The following SLC43A2 variants were observed in gnomAD, a reference collection of about 807,000 sequenced individuals.
The protein encoded by SLC43A2 is solute carrier family 43 member 2.
A neutral mutation model predicts 63.2 loss-of-function variants in SLC43A2; 38 were observed. That is an observed-to-expected ratio of 0.60 (90% CI 0.46 to 0.79). The LOEUF (loss-of-function observed/expected upper bound fraction) is 0.79. SLC43A2 is among the 30% of genes least tolerant of loss of function. The probability of loss-of-function intolerance (pLI) is 0.00; values close to 1 mark genes in which losing one functional copy is unlikely to be tolerated. For synonymous variants in SLC43A2, 322 were observed against 331.0 expected (o/e 0.97, Z 0.30); for missense variants, 644 against 756.2 (o/e 0.85, Z 1.74).
intron 11 of SLC43A2, among the ~76,000 whole-genome samples, chr17:1,579,418 A>G (rs62087978): frequency 0.4 from 60,490 of 150,392 alleles, 12,496 homozygotes; most frequent in Middle Eastern, 0.56. Context: ...CCGAGATAGC[A>G]CCACTGCACT....
chr17:1,590,432 C>A (rs1020976971), intron 9 of SLC43A2, among the ~76,000 whole-genome samples: 2 of 152,164 alleles, frequency 1.3e-5, no homozygotes, highest in African/African-American at 4.8e-5. Context: ...GTGCCACTTT[C>A]TGGGAGGACT....
intron 13 of SLC43A2, 148 bp downstream of exon 13, chr17:1,576,449 C>T (rs1000320136): frequency 3.9e-5 from 33 of 835,896 alleles, no homozygotes; most frequent in Non-Finnish European, 5.5e-5. Context: ...TCCTGCCTAG[C>T]CACCATTCAC....
intron 11 of SLC43A2, among the ~76,000 whole-genome samples, chr17:1,580,922 G>T (rs918014025): frequency 6.6e-6 from 1 of 152,132 alleles, no homozygotes; most frequent in African/African-American, 2.4e-5. Context: ...TTTTAGTAGA[G>T]ACAGGGTGTC....
At position 1,575,884 on chromosome 17, in the gene SLC43A2, C is replaced by G. The variant is rs933382863; in HGVS notation, c.1549-119G>C. 2.7e-5 allele frequency: 32 copies of G among 1,171,456 alleles called. No individual in the cohort carries two copies. In the African/African-American group the frequency reaches 4.3e-4, roughly 16 times the overall value. The allele number at this position is 1,171,456 out of a possible 1,614,324, so 72.6% of individuals were successfully genotyped here. A position where few individuals can be genotyped will look rare whatever the true frequency, so the allele number is the denominator to read the frequency against. Reference sequence around the variant, plus strand: ...TCACGGGGTGGAAGGGGGAACGAAACAGGAAGGCCCACGAGGTCCCATATG... The same window carrying G: ...TCACGGGGTGGAAGGGGGAACGAAAGAGGAAGGCCCACGAGGTCCCATATG... On this transcript the variant is annotated intron_variant, in intron 13 of 13. Coordinates refer to ENST00000301335, the MANE Select transcript of SLC43A2 (RefSeq NM_152346.3).
chr17:1,580,602 C>A (rs977152972), intron 11 of SLC43A2, among the ~76,000 whole-genome samples: 3 of 152,146 alleles, frequency 2.0e-5, no homozygotes, highest in African/African-American at 7.2e-5. Flanking sequence ...CGCTCTACAC[C>A]CCAGGCTGGA....
chr17:1,604,877 C>T (rs1416665203), intron 5 of SLC43A2: 4 of 1,535,360 alleles, frequency 2.6e-6, no homozygotes, highest in Non-Finnish European at 3.5e-6. Flanking sequence ...CTCACTCCGT[C>T]CCCAGCTTCC....
At chr17:1,628,134 G>C (rs951481865) in intron 1 of SLC43A2, 1 of 349,104 alleles carries the variant, frequency 2.9e-6, no homozygotes. Context: ...CGCTACGACA[G>C]AGCCGCCCCG....
At chr17:1,615,209 G>A (rs1185087007) in intron 3 of SLC43A2, among the ~76,000 whole-genome samples, 175 bp from the exon 4 acceptor site, 1 of 152,004 alleles carries the variant, frequency 6.6e-6, no homozygotes, top group Non-Finnish European at 1.5e-5. Flanking sequence ...CCAGGTTCAA[G>A]CATTTCTCCT....
chr17:1,586,942 C>CCCCTCCCCCT, intron 9 of SLC43A2: 1 of 1,511,078 alleles, frequency 6.6e-7, no homozygotes, highest in Admixed American at 2.1e-5. Flanking sequence ...CCCCACCCCC[C>CCCCTCCCCCT]GCTTACCCGT....
chr17:1,610,899 G>A (rs999516018), intron 5 of SLC43A2, among the ~76,000 whole-genome samples: 44 of 149,698 alleles, frequency 2.9e-4, no homozygotes, highest in Middle Eastern at 3.4e-3. Flanking sequence ...GGAGTTCAGT[G>A]GCGCGATCTC....
intron 2 of SLC43A2, among the ~76,000 whole-genome samples, chr17:1,618,473 G>A (rs992221412): frequency 3.3e-5 from 5 of 152,198 alleles, no homozygotes; most frequent in Non-Finnish European, 5.9e-5. Context: ...GCTGCTATTG[G>A]AGGCTCCGGC....
At chr17:1,581,806 GTTTT>G (rs926906202) in intron 11 of SLC43A2, among the ~76,000 whole-genome samples, 3 of 140,744 alleles carry the variant, frequency 2.1e-5, no homozygotes, top group Non-Finnish European at 3.1e-5. Flanking sequence ...AAGAAATTCA[GTTTT>G]TTTTTTTTTT....
intron 5 of SLC43A2, among the ~76,000 whole-genome samples, chr17:1,599,087 G>A (rs1014739021): frequency 6.6e-6 from 1 of 152,060 alleles, no homozygotes; most frequent in Admixed American, 6.6e-5. Flanking sequence ...GGTGGCTCAC[G>A]CCTGTAATCG....
At chr17:1,624,296 G>A (rs1050635039) in intron 2 of SLC43A2, among the ~76,000 whole-genome samples, 1 of 152,088 alleles carries the variant, frequency 6.6e-6, no homozygotes, top group African/African-American at 2.4e-5. Flanking sequence ...AAATTAACTG[G>A]GTATGGTGGC....
chr17:1,586,928 T>TGGCCCCCCCCCCCCCCCCCCCCCC, intron 9 of SLC43A2: 6 of 1,232,850 alleles, frequency 4.9e-6, no homozygotes, highest in South Asian at 1.3e-5. Context: ...TCCCTGACAA[T>TGGCCCCCCCCCCCCCCCCCCCCCC]CCCCCCCACC....
intron 8 of SLC43A2, 37 bp downstream of exon 8, chr17:1,591,232 C>T (rs376871390): frequency 3.5e-5 from 56 of 1,595,326 alleles, no homozygotes; most frequent in Non-Finnish European, 4.7e-5. Flanking sequence ...ACAGAGCACT[C>T]CCTGCCCGTC....
Position 1,615,844 on chromosome 17 carries a change from A to G in SLC43A2, c.368+718T>C, listed in dbSNP as rs577298219. ...GGCGACAGAGGGAGACTCCATCTCA[A>G]TAAATAAATAAATAAATAAATAAAT... On this transcript the variant is annotated intron_variant, in intron 3 of 13. Transcript: ENST00000301335. 2.5e-3 allele frequency among the ~76,000 whole-genome samples: 363 copies of G among 144,372 alleles called. 2 individuals are homozygous for G. Among genetic ancestry groups the G allele is most frequent in the African/African-American group, 8.9e-3 (349 of 39,380 alleles). 94.7% of individuals were successfully genotyped at this position (144,372 alleles called of 152,430 possible).
chr17:1,605,176 C>T lies in SLC43A2; in HGVS notation c.501+8019G>A. 1 of 1,187,792 alleles carries T rather than the reference C, an allele frequency of 8.4e-7. No individual in the cohort carries two copies. The allele number at this position is 1,187,792 out of a possible 1,614,324, so 73.6% of individuals were successfully genotyped here. A position where few individuals can be genotyped will look rare whatever the true frequency, so the allele number is the denominator to read the frequency against. ...GTGCGGGTCAACCTGTCCTGCCAGC[C>T]CGGGCTGTTCACTCACTGCCTCCAC... is the stretch of plus-strand genomic sequence containing the variant. On this transcript the variant is annotated intron_variant, in intron 5 of 13. Transcript: ENST00000301335. The surrounding 1 kb of genome is among the most constrained non-coding windows in gnomAD (Gnocchi z 4.9).
chr17:1,582,068 G>A (rs2076026064), intron 11 of SLC43A2, among the ~76,000 whole-genome samples: 1 of 149,390 alleles, frequency 6.7e-6, no homozygotes, highest in African/African-American at 2.5e-5. Context: ...GCCTCCCAAA[G>A]TGTTTTGGTT....
Sources: allele counts gnomAD v4.1 joint callset (sites outside exome capture counted in the v4.1 genomes callset), GRCh38; gene constraint gnomAD v4.1.1; non-coding constraint Gnocchi (gnomAD v3.1); transcripts MANE v1.5; gene names NCBI Gene and HGNC (gene_info 2026-07-23, HGNC 2026-07-21).